VPS4B: variants seen among roughly 807,000 people sequenced by gnomAD.
VPS4B encodes vacuolar protein sorting 4 homolog B, also known as vacuolar protein sorting-associated protein 4B.
Under a neutral mutation model 56.1 loss-of-function variants are expected in VPS4B, and 23 were observed. The observed-to-expected ratio is 0.41, with a 90% CI of 0.30 to 0.58. The LOEUF (loss-of-function observed/expected upper bound fraction) is 0.58, where lower values mean the gene tolerates loss of function less well. Ranked by LOEUF, VPS4B falls within the 20% of genes least tolerant of loss-of-function variation. The pLI, the probability that VPS4B is intolerant of heterozygous loss-of-function variation, is 0.29. For synonymous variants in VPS4B, 177 were observed against 186.0 expected (o/e 0.95, Z 0.39); for missense variants, 372 against 531.9 (o/e 0.70, Z 2.96).
intron 1 of VPS4B, among the ~76,000 whole-genome samples, chr18:63,414,933 T>C (rs550801437): frequency 1.3e-5 from 2 of 152,372 alleles, no homozygotes; most frequent in Admixed American, 6.5e-5. Flanking sequence ...ATAGTGCTAA[T>C]TAAACCAGCC....
chr18:63,419,750 T>C (rs1302242996), intron 1 of VPS4B, among the ~76,000 whole-genome samples: 1 of 152,240 alleles, frequency 6.6e-6, no homozygotes, highest in Non-Finnish European at 1.5e-5. Context: ...AATTATGAAC[T>C]ATTTATTCTA....
At chr18:63,391,137 C>T (rs879183658) in intron 10 of VPS4B, 61 bp from the exon 11 acceptor site, 29 of 1,108,908 alleles carry the variant, frequency 2.6e-5, no homozygotes, top group South Asian at 1.9e-4. Context: ...AATAAAAAAC[C>T]GTCATATTAT....
chr18:63,415,127 A>C (rs1346913018), intron 1 of VPS4B, among the ~76,000 whole-genome samples: 1 of 152,230 alleles, frequency 6.6e-6, no homozygotes, highest in Admixed American at 6.5e-5. Context: ...TTTTCTGCTG[A>C]TGAATACCAT....
intron 1 of VPS4B, among the ~76,000 whole-genome samples, chr18:63,412,734 C>G (rs911141165): frequency 1.3e-5 from 2 of 152,098 alleles, no homozygotes; most frequent in Non-Finnish European, 2.9e-5. Context: ...ACTATGTCGA[C>G]CAAGCTAGCC....
chr18:63,401,687 T>C (rs1246647818), intron 5 of VPS4B, among the ~76,000 whole-genome samples: 1 of 152,036 alleles, frequency 6.6e-6, no homozygotes, highest in Admixed American at 6.6e-5. Flanking sequence ...CAGTAAACTA[T>C]CAAACATACA....
intron 1 of VPS4B, among the ~76,000 whole-genome samples, chr18:63,414,318 C>T (rs1250879646): frequency 7.3e-5 from 11 of 151,204 alleles, no homozygotes; most frequent in African/African-American, 1.9e-4. Context: ...TGCAGTGAGC[C>T]GAGATCATGC....
intron 8 of VPS4B, among the ~76,000 whole-genome samples, chr18:63,398,242 T>A (rs908593417): frequency 5.3e-5 from 8 of 150,104 alleles, no homozygotes; most frequent in African/African-American, 2.0e-4. Flanking sequence ...TGAGATGGAG[T>A]CTCACTCTGT....
At chr18:63,403,451 T>G (rs1438573684) in intron 5 of VPS4B, among the ~76,000 whole-genome samples, 1 of 152,368 alleles carries the variant, frequency 6.6e-6, no homozygotes, top group East Asian at 1.9e-4. Flanking sequence ...TCTATTTTAC[T>G]GAGTGCATAG....
chr18:63,394,715 T>A (rs751940553), intron 9 of VPS4B, among the ~76,000 whole-genome samples: 1 of 152,222 alleles, frequency 6.6e-6, no homozygotes, highest in Non-Finnish European at 1.5e-5. Context: ...TCCGCCCACC[T>A]TGGCCTCCCA....
rs1216100530 is a variant in VPS4B at position 63,389,648 on chromosome 18, AT to A, written c.*1326del. 6.6e-6 allele frequency: 1 copy of A among 152,632 alleles called. No homozygotes were observed. Among genetic ancestry groups the A allele is most frequent in the Admixed American group, 6.5e-5 (1 of 15,276 alleles). 9.5% of individuals were successfully genotyped at this position (152,632 alleles called of 1,614,324 possible). On this transcript the variant is annotated 3_prime_UTR_variant, in exon 11 of 11. Transcript: ENST00000238497. ...TTATTTTTTAATGAGTCATGAGCTC[AT>A]TTCTAAAGCTTCATAAAGCATTACA...
At chr18:63,412,330 A>C (rs1347017360) in intron 1 of VPS4B, among the ~76,000 whole-genome samples, 2 of 152,228 alleles carry the variant, frequency 1.3e-5, no homozygotes, top group Non-Finnish European at 2.9e-5. Context: ...AAAAAGCAGC[A>C]CAGGAAAAAG....
intron 10 of VPS4B, among the ~76,000 whole-genome samples, chr18:63,392,653 T>C (rs1189448314): frequency 1.3e-5 from 2 of 152,210 alleles, no homozygotes; most frequent in African/African-American, 4.8e-5. Flanking sequence ...TTTCACCGTG[T>C]TGGCCAGGAT....
chr18:63,397,720 T>C (rs546509407), intron 8 of VPS4B, among the ~76,000 whole-genome samples: 1 of 152,320 alleles, frequency 6.6e-6, no homozygotes, highest in African/African-American at 2.4e-5. Context: ...TCCTATATTA[T>C]AAAGAATAAA....
intron 4 of VPS4B, chr18:63,404,486 G>T (rs1418221242): frequency 1.3e-5 from 2 of 152,096 alleles, no homozygotes; most frequent in African/African-American, 4.8e-5. Flanking sequence ...TACAACTTTT[G>T]TTAATTAACA....
At chr18:63,414,073 T>C (rs1325964708) in intron 1 of VPS4B, among the ~76,000 whole-genome samples, 1 of 152,192 alleles carries the variant, frequency 6.6e-6, no homozygotes, top group Non-Finnish European at 1.5e-5. Flanking sequence ...ATTGTGCCAC[T>C]GCACTCCAGC....
chr18:63,412,710 C>T (rs953507541), intron 1 of VPS4B, among the ~76,000 whole-genome samples: 4 of 152,078 alleles, frequency 2.6e-5, no homozygotes, highest in South Asian at 2.1e-4. Context: ...TTTGTTGAGA[C>T]GGGGCTCCAT....
chr18:63,389,510 T>C lies in VPS4B; in HGVS notation c.*1465A>G, dbSNP rs1599352147. 1.3e-5 allele frequency: 2 copies of C among 152,794 alleles called. No homozygotes were observed. The highest frequency in any genetic ancestry group is 1.3e-4 in the Admixed American group (2 of 15,310). The allele number at this position is 152,794 out of a possible 1,614,324, so 9.5% of individuals were successfully genotyped here. On this transcript the variant is annotated 3_prime_UTR_variant, in exon 11 of 11. Coordinates refer to ENST00000238497, the MANE Select transcript of VPS4B (RefSeq NM_004869.4). ...AATCTAGTTCATCCTAACTTAATAGTCTTTTGCATGTATAGACAATGCAAT... is the reference window on the plus strand; with the variant it reads ...AATCTAGTTCATCCTAACTTAATAGCCTTTTGCATGTATAGACAATGCAAT...
At chr18:63,409,127 T>G (rs1048244322) in intron 3 of VPS4B, among the ~76,000 whole-genome samples, 4 of 152,230 alleles carry the variant, frequency 2.6e-5, no homozygotes, top group African/African-American at 9.6e-5. Context: ...GTCAGTGCTA[T>G]CGATGAAGAA....
chr18:63,422,153 C>G, intron 1 of VPS4B, 80 bp downstream of exon 1: 1 of 1,379,816 alleles, frequency 7.2e-7, no homozygotes, highest in Non-Finnish European at 9.5e-7. Context: ...CGCTTCCTCC[C>G]TTCTCCCCGC....
Sources: gnomAD v4.1 joint callset for allele counts (sites outside exome capture counted in the v4.1 genomes callset) on GRCh38, gnomAD v4.1.1 for gene constraint, MANE v1.5 for transcripts, NCBI Gene and HGNC (gene_info 2026-07-23, HGNC 2026-07-21) for gene names.